TBC1D9B: variants seen among roughly 807,000 people sequenced by gnomAD.
TBC1D9B encodes TBC1 domain family member 9B.
In TBC1D9B, 87 loss-of-function variants were observed where a neutral mutation model predicts 121.1. The observed-to-expected ratio is 0.72, with a 90% CI of 0.60 to 0.86. The LOEUF (loss-of-function observed/expected upper bound fraction) is 0.86, where lower values mean the gene tolerates loss of function less well. Among genes scored for constraint, TBC1D9B ranks in the 40% least tolerant of loss-of-function variants. TBC1D9B has a pLI of 0.00. For synonymous variants in TBC1D9B, 668 were observed against 670.1 expected (o/e 1.00, Z 0.05); for missense variants, 1,540 against 1,628.6 (o/e 0.95, Z 0.94).
chr5:179,877,716 A>T (rs1760401593), intron 10 of TBC1D9B, among the ~76,000 whole-genome samples: 1 of 152,056 alleles, frequency 6.6e-6, no homozygotes, highest in African/African-American at 2.4e-5. Context: ...TGGTCTATGT[A>T]ATATGATGGA....
chr5:179,892,104 G>A (rs1760883660), intron 5 of TBC1D9B, among the ~76,000 whole-genome samples: 1 of 152,244 alleles, frequency 6.6e-6, no homozygotes, highest in East Asian at 1.9e-4. Flanking sequence ...CTGTGACAGT[G>A]GCCTGGCCCA....
intron 18 of TBC1D9B, 129 bp downstream of exon 18, chr5:179,867,649 G>A (rs1292690521): frequency 1.3e-6 from 2 of 1,507,638 alleles, no homozygotes; most frequent in South Asian, 1.2e-5. Context: ...TGGTCCCCTG[G>A]GGAGAACCCC....
intron 12 of TBC1D9B, 65 bp from the exon 13 acceptor site, chr5:179,873,313 T>C (rs1760259694): frequency 6.7e-7 from 1 of 1,493,394 alleles, no homozygotes; most frequent in Non-Finnish European, 8.9e-7. Context: ...TTCCCACAGC[T>C]GGGTGATGCG....
intron 1 of TBC1D9B, among the ~76,000 whole-genome samples, chr5:179,906,670 G>A (rs1351194276): frequency 2.0e-5 from 3 of 152,216 alleles, no homozygotes; most frequent in Non-Finnish European, 2.9e-5. Flanking sequence ...CCACTGGGAG[G>A]GAACCCGAAG....
rs758760198 is a variant in TBC1D9B at position 179,865,899 on chromosome 5, G to A, written c.2864-11C>T. The stretch of plus-strand genomic sequence containing the variant: ...CCTGTGGTAGTGCTTCTGGACAAAC[G>A]CAAAAATAAAAAGAACATGAATAAC... On this transcript the variant is annotated splice_polypyrimidine_tract_variant and intron_variant, in intron 18 of 20. Transcript: ENST00000355235. This position sits in a 1 kb window ranked among gnomAD's most constrained non-coding sequence, Gnocchi z 5.1. The A allele has an allele frequency of 8.1e-6, 13 of 1,613,550 alleles. No individual in the cohort carries two copies. The highest frequency in any genetic ancestry group is 2.2e-5 in the South Asian group (2 of 91,064).
chr5:179,868,883 T>C (rs1485187682), intron 17 of TBC1D9B: 1 of 152,520 alleles, frequency 6.6e-6, no homozygotes, highest in Non-Finnish European at 1.5e-5. Flanking sequence ...CCCCGCATGC[T>C]CTCAACCCTG....
At chr5:179,898,200 G>A (rs1761070077) in intron 3 of TBC1D9B, among the ~76,000 whole-genome samples, 1 of 147,486 alleles carries the variant, frequency 6.8e-6, no homozygotes, top group South Asian at 2.1e-4. Flanking sequence ...CGCCTGGGCT[G>A]GAGTGCAGTG....
intron 2 of TBC1D9B, among the ~76,000 whole-genome samples, chr5:179,901,852 C>A (rs1761174835): frequency 6.6e-6 from 1 of 152,176 alleles, no homozygotes; most frequent in African/African-American, 2.4e-5. Context: ...GAAACTATTC[C>A]ATCTCTATGC....
rs1760422939 is a variant in TBC1D9B at position 179,878,360 on chromosome 5, C to T, written c.1731G>A (p.Arg577=). 6.2e-7 allele frequency: 1 copy of T among 1,613,922 alleles called. No homozygotes were observed. The highest frequency in any genetic ancestry group is 1.3e-5 in the African/African-American group (1 of 75,024). ...FQNELGIAAL[R]RVLTAYAFRN... Reference sequence around the variant, plus strand: ...GGAAGGCATAGGCAGTCAGCACCCGCCGGAGGGCAGCAATCCCCAGCTCGT... The same window carrying T: ...GGAAGGCATAGGCAGTCAGCACCCGTCGGAGGGCAGCAATCCCCAGCTCGT... The change falls in exon 10 of 21, where the codon CGG becomes CGA. Residue 577 remains arginine, a synonymous_variant. Transcript: ENST00000355235.
chr5:179,903,487 T>C (rs551432802), intron 2 of TBC1D9B, among the ~76,000 whole-genome samples: 1 of 152,270 alleles, frequency 6.6e-6, no homozygotes, highest in East Asian at 1.9e-4. Flanking sequence ...TTCTGTAAGG[T>C]GGCCGCGAAC....
Position 179,874,869 on chromosome 5 carries a change from GC to G in TBC1D9B, c.2186+32del. Reference sequence around the variant, plus strand: ...GGGCTGGTGAGGGGTTCTGCTGTGAGCCCCCAGCAGGAGAAGGAACCCGGCA... The same window carrying G: ...GGGCTGGTGAGGGGTTCTGCTGTGAGCCCCAGCAGGAGAAGGAACCCGGCA... On this transcript the variant is annotated intron_variant, in intron 12 of 20. Transcript: ENST00000355235. This position sits in a 1 kb window ranked among gnomAD's most constrained non-coding sequence, Gnocchi z 4.3. 4 of 1,604,972 alleles carry G rather than the reference GC, an allele frequency of 2.5e-6. No individual in the cohort carries two copies. The highest frequency in any genetic ancestry group is 3.4e-6 in the Non-Finnish European group (4 of 1,176,726).
rs780866687 is a variant in TBC1D9B, at chr5:179,869,815, G to A, written c.2745C>T (p.Asp915=). 1.9e-5 allele frequency: 29 copies of A among 1,565,522 alleles called. No individual in the cohort carries two copies. The highest frequency in any genetic ancestry group is 2.3e-5 in the Non-Finnish European group (26 of 1,153,670). ...AGAGCACCTTGAGCTTCTCTGTCAG[G>A]TCCCCGTGGTACATCCCGCCTGTGG... ...VTGMSGMYHG[D]LTEKLKVLYK... is the part of the protein sequence containing the mutation. Residue 915 remains aspartate, a synonymous_variant, in exon 17 of 21, where the codon GAC becomes GAT. Transcript: ENST00000355235.
At chr5:179,879,506 G>A in intron 8 of TBC1D9B, 122 bp downstream of exon 8, 1 of 1,449,990 alleles carries the variant, frequency 6.9e-7, no homozygotes, top group South Asian at 1.2e-5. Flanking sequence ...CAGCCTGGGT[G>A]GGCACTGCCC....
At chr5:179,903,507 G>A (rs1184112114) in intron 2 of TBC1D9B, among the ~76,000 whole-genome samples, 1 of 152,214 alleles carries the variant, frequency 6.6e-6, no homozygotes, top group Non-Finnish European at 1.5e-5. Context: ...CACTGAGTTA[G>A]CGAATCCTGA....
At position 179,907,840 on chromosome 5, in the gene TBC1D9B, G is replaced by C. The variant is rs1286195230; in HGVS notation, c.-19C>G. ...GCCACATCGCGGAGCCGCTCGCACC[G>C]GGCCGAGGCCCGCGAGACGGAAGCG... On this transcript the variant is annotated 5_prime_UTR_variant, in exon 1 of 21. Transcript: ENST00000355235. This position sits in a 1 kb window ranked among gnomAD's most constrained non-coding sequence, Gnocchi z 5.3. The C allele has an allele frequency of 5.4e-6, 6 of 1,104,770 alleles. No individual in the cohort carries two copies. Among genetic ancestry groups the C allele is most frequent in the Admixed American group, 4.1e-5 (1 of 24,154 alleles). The allele number at this position is 1,104,770 out of a possible 1,614,324, so 68.4% of individuals were successfully genotyped here. A position where few individuals can be genotyped will look rare whatever the true frequency, so the allele number is the denominator to read the frequency against.
chr5:179,888,828 G>T (rs1292204650), intron 6 of TBC1D9B, among the ~76,000 whole-genome samples: 1 of 152,196 alleles, frequency 6.6e-6, no homozygotes, highest in Non-Finnish European at 1.5e-5. Context: ...GTCAGCAGGG[G>T]TGAGTGCTGG....
intron 20 of TBC1D9B, 74 bp from the exon 21 acceptor site, chr5:179,864,202 G>A (rs1759939044): frequency 7.1e-7 from 1 of 1,412,124 alleles, no homozygotes; most frequent in Non-Finnish European, 9.5e-7. Context: ...TAGCCAAACT[G>A]ATGACAAGCA....
At position 179,891,282 on chromosome 5, in the gene TBC1D9B, C is replaced by G; in HGVS notation, c.1044+97G>C. 1 of 1,411,764 alleles carries G rather than the reference C, an allele frequency of 7.1e-7. No individual in the cohort carries two copies. Among genetic ancestry groups the G allele is most frequent in the Non-Finnish European group, 9.9e-7 (1 of 1,012,318 alleles). The allele number at this position is 1,411,764 out of a possible 1,614,324, so 87.5% of individuals were successfully genotyped here. A position where few individuals can be genotyped will look rare whatever the true frequency, so the allele number is the denominator to read the frequency against. On this transcript the variant is annotated intron_variant, in intron 6 of 20. Coordinates refer to ENST00000355235, the MANE Select transcript of TBC1D9B (RefSeq NM_015043.4). The surrounding 1 kb of genome is among the most constrained non-coding windows in gnomAD (Gnocchi z 4.3). The stretch of plus-strand genomic sequence containing the variant: ...GGCTAGGGCATCCTCCCAGGTACCC[C>G]CCAGTGAGACAGGGCAGAGCAGGAC...
At chr5:179,879,531 G>A in intron 8 of TBC1D9B, 97 bp downstream of exon 8, 1 of 1,584,400 alleles carries the variant, frequency 6.3e-7, no homozygotes, top group South Asian at 1.1e-5. Flanking sequence ...GTCAGCCCAG[G>A]GCCCTGAGGG....
Sources: gnomAD v4.1 joint callset for allele counts (sites outside exome capture counted in the v4.1 genomes callset) on GRCh38, gnomAD v4.1.1 for gene constraint, Gnocchi (gnomAD v3.1) non-coding constraint, MANE v1.5 for transcripts, NCBI Gene and HGNC (gene_info 2026-07-23, HGNC 2026-07-21) for gene names.